The following PLCXD3 variants were observed in gnomAD, a reference collection of about 807,000 sequenced individuals.
PLCXD3 encodes the protein phosphatidylinositol specific phospholipase C X domain containing 3.
A neutral mutation model predicts 25.5 loss-of-function variants in PLCXD3; 19 were observed. The ratio of observed to expected loss-of-function variants is 0.75; its 90% CI spans 0.52 to 1.09. The LOEUF (loss-of-function observed/expected upper bound fraction) is 1.09. Ranked by LOEUF, PLCXD3 falls within the 50% of genes least tolerant of loss-of-function variation. The probability of loss-of-function intolerance (pLI) is 0.00; values close to 1 mark genes in which losing one functional copy is unlikely to be tolerated. For synonymous variants in PLCXD3, 174 were observed against 137.6 expected (o/e 1.26, Z -1.85); for missense variants, 411 against 388.1 (o/e 1.06, Z -0.50).
At chr5:41,492,510 G>C (rs1225102898) in intron 1 of PLCXD3, among the ~76,000 whole-genome samples, 1 of 151,602 alleles carries the variant, frequency 6.6e-6, no homozygotes, top group Admixed American at 6.6e-5. Flanking sequence ...AGTTCTCCTG[G>C]ATAATATCCT....
intron 1 of PLCXD3, among the ~76,000 whole-genome samples, chr5:41,467,243 A>T (rs570654896): frequency 1.1e-4 from 16 of 152,238 alleles, no homozygotes; most frequent in South Asian, 8.3e-4. Context: ...TGTTAAAGCC[A>T]TTCTAATAGG....
At chr5:41,426,942 G>A (rs181465894) in intron 1 of PLCXD3, among the ~76,000 whole-genome samples, 4 of 152,066 alleles carry the variant, frequency 2.6e-5, no homozygotes, top group Admixed American at 2.0e-4. Flanking sequence ...TATTTCACAG[G>A]TATATTTTAC....
At chr5:41,345,658 C>T (rs938962616) in intron 2 of PLCXD3, among the ~76,000 whole-genome samples, 26 of 149,118 alleles carry the variant, frequency 1.7e-4, no homozygotes, top group African/African-American at 6.4e-4. Context: ...TCATCCTTTA[C>T]TCCAAATTTA....
rs1250151183 is a variant in PLCXD3, at chr5:41,455,235, T to C, written c.103+55189A>G. Among the ~76,000 whole-genome samples, 3 of 151,986 alleles carry C rather than the reference T, an allele frequency of 2.0e-5. No homozygotes were observed. In the East Asian group the frequency reaches 5.8e-4, roughly 29 times the overall value. ...TCAGGCTTCCGGAAATATGAAAGCA[T>C]ACATTTCTGTTGTTTTGAGGCATGT... On this transcript the variant is annotated intron_variant, in intron 1 of 2. Transcript: ENST00000377801.
chr5:41,342,388 G>A (rs1420767470), intron 2 of PLCXD3, among the ~76,000 whole-genome samples: 1 of 152,064 alleles, frequency 6.6e-6, no homozygotes, highest in African/African-American at 2.4e-5. Flanking sequence ...ATATATTCAG[G>A]AAATAGTACT....
intron 2 of PLCXD3, among the ~76,000 whole-genome samples, chr5:41,371,216 A>G (rs779472516): frequency 2.0e-5 from 3 of 152,196 alleles, no homozygotes; most frequent in Non-Finnish European, 4.4e-5. Flanking sequence ...ACTAATTTAT[A>G]CTAGAGGCTT....
At chr5:41,323,046 G>A (rs916985696) in intron 2 of PLCXD3, among the ~76,000 whole-genome samples, 3 of 151,986 alleles carry the variant, frequency 2.0e-5, no homozygotes, top group African/African-American at 7.2e-5. Context: ...CCATAGAAAG[G>A]AATAAGATTC....
At chr5:41,316,768 T>C (rs1047029736) in intron 2 of PLCXD3, among the ~76,000 whole-genome samples, 1 of 152,202 alleles carries the variant, frequency 6.6e-6, no homozygotes, top group Non-Finnish European at 1.5e-5. Context: ...GAGGCTCCTG[T>C]ACCTTTGGAA....
chr5:41,329,857 A>C (rs922666476), intron 2 of PLCXD3, among the ~76,000 whole-genome samples: 4 of 150,018 alleles, frequency 2.7e-5, no homozygotes, highest in Non-Finnish European at 4.4e-5. Flanking sequence ...CATTTTATTA[A>C]TTAGAATTAA....
At chr5:41,386,159 T>C (rs531112165) in intron 1 of PLCXD3, among the ~76,000 whole-genome samples, 1 of 152,128 alleles carries the variant, frequency 6.6e-6, no homozygotes. Context: ...GGAGTTGGAA[T>C]TTCAAAGAAG....
chr5:41,388,921 ATATTT>A (rs1180869628), intron 1 of PLCXD3, among the ~76,000 whole-genome samples: 2 of 151,484 alleles, frequency 1.3e-5, no homozygotes, highest in Non-Finnish European at 2.9e-5. Context: ...AAAAAAACAT[ATATTT>A]TATATTTCAT....
intron 1 of PLCXD3, among the ~76,000 whole-genome samples, chr5:41,476,012 A>G (rs1748275934): frequency 6.6e-6 from 1 of 152,230 alleles, no homozygotes; most frequent in African/African-American, 2.4e-5. Flanking sequence ...AACTTATAAC[A>G]GGCTCATATT....
intron 1 of PLCXD3, among the ~76,000 whole-genome samples, chr5:41,440,959 G>A (rs1004854046): frequency 1.4e-4 from 22 of 152,094 alleles, no homozygotes; most frequent in African/African-American, 4.1e-4. Flanking sequence ...TAGGAGTCTC[G>A]GAAAGTTAGT....
At chr5:41,378,919 C>A (rs1006078210) in intron 2 of PLCXD3, among the ~76,000 whole-genome samples, 1 of 152,112 alleles carries the variant, frequency 6.6e-6, no homozygotes, top group African/African-American at 2.4e-5. Context: ...AAATGAAAAT[C>A]ATTTATCCTT....
At chr5:41,332,544 C>G (rs1003973181) in intron 2 of PLCXD3, among the ~76,000 whole-genome samples, 18 of 152,120 alleles carry the variant, frequency 1.2e-4, no homozygotes, top group Non-Finnish European at 1.0e-4. Context: ...GGTGATTCCT[C>G]AGGGATCTAG....
intron 2 of PLCXD3, among the ~76,000 whole-genome samples, chr5:41,378,569 C>G (rs972507922): frequency 2.6e-5 from 4 of 152,036 alleles, no homozygotes; most frequent in Admixed American, 2.6e-4. Context: ...GTAGGAAGTT[C>G]TGAATTAAAG....
chr5:41,371,794 G>T (rs953731288), intron 2 of PLCXD3, among the ~76,000 whole-genome samples: 21 of 152,114 alleles, frequency 1.4e-4, no homozygotes, highest in African/African-American at 5.1e-4. Context: ...CCCCACTCAG[G>T]AGCCCTGCCT....
intron 1 of PLCXD3, among the ~76,000 whole-genome samples, chr5:41,468,308 G>A (rs1329173933): frequency 6.6e-6 from 1 of 151,994 alleles, no homozygotes; most frequent in Non-Finnish European, 1.5e-5. Flanking sequence ...ATGAGCCACT[G>A]TACCTGGCCC....
rs548311626 is a variant in PLCXD3 at position 41,389,464 on chromosome 5, A to G, written c.104-6930T>C. 5.3e-5 allele frequency among the ~76,000 whole-genome samples: 8 copies of G among 152,324 alleles called. No homozygotes were observed. In the East Asian group the frequency reaches 1.5e-3, roughly 29 times the overall value. ...CAACAGATGTTAACTTACAAAGGACAAGATAAGCTGTACTGTGTTCTTTGC... is the reference window on the plus strand; with the variant it reads ...CAACAGATGTTAACTTACAAAGGACGAGATAAGCTGTACTGTGTTCTTTGC... On this transcript the variant is annotated intron_variant, in intron 1 of 2. Coordinates refer to ENST00000377801, the MANE Select transcript of PLCXD3 (RefSeq NM_001005473.3).
Sources: gnomAD v4.1 joint callset for allele counts (sites outside exome capture counted in the v4.1 genomes callset) on GRCh38, gnomAD v4.1.1 for gene constraint, MANE v1.5 for transcripts, NCBI Gene and HGNC (gene_info 2026-07-23, HGNC 2026-07-21) for gene names.